Variants in TLCD4 observed in about 807,000 individuals in gnomAD.
The protein encoded by TLCD4 is TLC domain containing 4.
In TLCD4, 7 loss-of-function variants were observed where a neutral mutation model predicts 24.2. The observed-to-expected ratio is 0.29, with a 90% CI of 0.16 to 0.54. The LOEUF (loss-of-function observed/expected upper bound fraction) is 0.54. Ranked by LOEUF, TLCD4 falls within the 20% of genes least tolerant of loss-of-function variation. The pLI is 0.95. For missense variants in TLCD4, 259 were observed against 313.9 expected (o/e 0.82, Z 1.32); for synonymous variants, 103 against 106.4 (o/e 0.97, Z 0.20).
chr1:95,129,048 G>T (rs1676817757), intron 1 of TLCD4, among the ~76,000 whole-genome samples: 1 of 152,164 alleles, frequency 6.6e-6, no homozygotes, highest in East Asian at 1.9e-4. Flanking sequence ...GAGAACAGGG[G>T]TTAGCCTCCT....
intron 1 of TLCD4, among the ~76,000 whole-genome samples, chr1:95,122,411 A>G (rs1312336791): frequency 6.6e-6 from 1 of 152,206 alleles, no homozygotes; most frequent in Non-Finnish European, 1.5e-5. Context: ...AGTTCACCCC[A>G]GCACGTTGCT....
chr1:95,102,022 G>A, the TLCD4 span, among the ~76,000 whole-genome samples: 1 of 152,194 alleles, frequency 6.6e-6, no homozygotes, highest in African/African-American at 2.4e-5. Flanking sequence ...AGGCAATAAA[G>A]AGTAAGAGAA....
At chr1:95,184,053 A>G (rs1360316662) in intron 6 of TLCD4, among the ~76,000 whole-genome samples, 1 of 152,178 alleles carries the variant, frequency 6.6e-6, no homozygotes, top group Non-Finnish European at 1.5e-5. Context: ...TGCCTGAAGA[A>G]ATTACATTTG....
Position 95,195,278 on chromosome 1 carries a change from C to T in TLCD4, c.*3410C>T, listed in dbSNP as rs1194348465. On this transcript the variant is annotated 3_prime_UTR_variant, in exon 7 of 7. Coordinates refer to ENST00000370203, the MANE Select transcript of TLCD4 (RefSeq NM_152487.3). ...CCATCTGTTATCAGGCATGCAGAAA[C>T]ATTTTTCTTCTGGAGAAACAGAGGG... The T allele has an allele frequency of 6.6e-6, 1 of 152,098 alleles. No individual in the cohort carries two copies. The highest frequency in any genetic ancestry group is 2.4e-5 in the African/African-American group (1 of 41,424). The allele number at this position is 152,098 out of a possible 1,614,324, so 9.4% of individuals were successfully genotyped here.
At chr1:95,123,928 C>T (rs951780805) in intron 1 of TLCD4, among the ~76,000 whole-genome samples, 3 of 152,086 alleles carry the variant, frequency 2.0e-5, no homozygotes, top group Non-Finnish European at 4.4e-5. Flanking sequence ...TTTTATAATT[C>T]GGGTAACACA....
In TLCD4 at chr1:95,148,875, CAG is replaced by C. The variant is rs1359394249; in HGVS notation, c.245+86_245+87del. On this transcript the variant is annotated intron_variant, in intron 3 of 6. Transcript: ENST00000370203. ...TATAAGAACATCACTTACTTTAAAA[CAG>C]AAAACATATTGATCGTATATGCCTT... 94 of 1,525,678 alleles carry C rather than the reference CAG, an allele frequency of 6.2e-5. 1 individual carries two copies. Among genetic ancestry groups the C allele is most frequent in the Admixed American group, 5.4e-4 (28 of 51,378 alleles). The allele number at this position is 1,525,678 out of a possible 1,614,324, so 94.5% of individuals were successfully genotyped here. A position where few individuals can be genotyped will look rare whatever the true frequency, so the allele number is the denominator to read the frequency against.
the TLCD4 span, among the ~76,000 whole-genome samples, chr1:95,110,976 A>G: frequency 6.6e-6 from 1 of 151,482 alleles, no homozygotes; most frequent in Non-Finnish European, 1.5e-5. Context: ...ACATTTTAGC[A>G]TAATTTAAAA....
chr1:95,144,007 C>G lies in TLCD4; in HGVS notation c.106C>G (p.Pro36Ala), dbSNP rs150211570. Residue 36 changes from proline (P) to alanine (A), a missense_variant, in exon 2 of 7, where the codon CCA (proline) becomes GCA (alanine). Coordinates refer to ENST00000370203, the MANE Select transcript of TLCD4 (RefSeq NM_152487.3). Reference protein sequence around the residue: ...VSYWFSAKVSPGFNSLSFKKK... With the variant: ...VSYWFSAKVSAGFNSLSFKKK... ...TTACTGGTTTTCAGCAAAAGTTTCTCCAGGTTTCAATAGTCTCAGCTTCAA... is the reference window on the plus strand; with the variant it reads ...TTACTGGTTTTCAGCAAAAGTTTCTGCAGGTTTCAATAGTCTCAGCTTCAA... The G allele has an allele frequency of 9.6e-5, 151 of 1,571,484 alleles. No individual in the cohort carries two copies. The African/African-American group carries it at 2.0e-3, about 21-fold the overall frequency.
chr1:95,160,407 C>G (rs1186583131), intron 5 of TLCD4, among the ~76,000 whole-genome samples: 2 of 152,166 alleles, frequency 1.3e-5, no homozygotes, highest in African/African-American at 4.8e-5. Flanking sequence ...AGATTTTGGG[C>G]TGAGACGATG....
At chr1:95,150,689 T>C (rs1464931114) in intron 4 of TLCD4, among the ~76,000 whole-genome samples, 2 of 152,132 alleles carry the variant, frequency 1.3e-5, no homozygotes, top group African/African-American at 4.8e-5. Context: ...TCTTTGTTTT[T>C]CTTTTTAATA....
At chr1:95,121,765 C>T (rs1003655152) in intron 1 of TLCD4, among the ~76,000 whole-genome samples, 15 of 152,218 alleles carry the variant, frequency 9.9e-5, no homozygotes, top group African/African-American at 3.4e-4. Flanking sequence ...CCTCCGTGCT[C>T]AGCCTGAAAA....
chr1:95,101,701 A>ACT, the TLCD4 span, among the ~76,000 whole-genome samples: 1 of 152,086 alleles, frequency 6.6e-6, no homozygotes, highest in African/African-American at 2.4e-5. Flanking sequence ...GCTTTGAACA[A>ACT]CTCTATGATA....
At chr1:95,121,521 C>T (rs1168079712) in intron 1 of TLCD4, among the ~76,000 whole-genome samples, 3 of 152,190 alleles carry the variant, frequency 2.0e-5, no homozygotes, top group South Asian at 2.1e-4. Context: ...CCCAGGCTGG[C>T]GTGTAGTGGC....
chr1:95,109,940 T>C, the TLCD4 span, among the ~76,000 whole-genome samples: 1 of 140,596 alleles, frequency 7.1e-6, no homozygotes, highest in African/African-American at 2.6e-5. Context: ...TATATATATA[T>C]ATATATATAT....
rs1334503273 is a variant in TLCD4 at position 95,143,946 on chromosome 1, CT to C, written c.50del (p.Phe17SerfsTer10). 4 of 1,564,760 alleles carry C rather than the reference CT, an allele frequency of 2.6e-6. No homozygotes were observed. The highest frequency in any genetic ancestry group is 2.8e-5 in the African/African-American group (2 of 72,614). On this transcript the variant is annotated frameshift_variant, in exon 2 of 7. Coordinates refer to ENST00000370203, the MANE Select transcript of TLCD4 (RefSeq NM_152487.3). LOFTEE classifies it high-confidence loss of function. Reference protein sequence around the residue: ...KLLISVTCISFFTFQLLFYFV... With the variant: ...KLLISVTCISXFTFQLLFYFV... Reference sequence around the variant, plus strand: ...TGCTCATCAGTGTTACCTGTATCAGCTTTTTCACCTTTCAGCTTCTTTTCTA... The same window carrying C: ...TGCTCATCAGTGTTACCTGTATCAGCTTTTCACCTTTCAGCTTCTTTTCTA...
rs188482316 is a variant in TLCD4 at position 95,166,672 on chromosome 1, C to A, written c.400-7144C>A. Among the ~76,000 whole-genome samples the A allele has an allele frequency of 1.8e-4, 28 of 152,218 alleles. 1 individual carries two copies. The East Asian group carries it at 4.1e-3, about 22-fold the overall frequency. On this transcript the variant is annotated intron_variant, in intron 5 of 6. Transcript: ENST00000370203. ...AGTAACTAGGTGTGAATGATTGCAC[C>A]TAGGCAGGAAGGAATAGGCCGTTTT...
chr1:95,121,954 A>G (rs933729103), intron 1 of TLCD4, among the ~76,000 whole-genome samples: 4 of 152,228 alleles, frequency 2.6e-5, no homozygotes, highest in African/African-American at 4.8e-5. Context: ...CCTGGAGTTA[A>G]TCAAGGGCAG....
At chr1:95,185,359 G>T (rs952869440) in intron 6 of TLCD4, among the ~76,000 whole-genome samples, 2 of 152,202 alleles carry the variant, frequency 1.3e-5, no homozygotes, top group Admixed American at 6.5e-5. Context: ...AGGTAAAGGT[G>T]CCTGAGAAGA....
chr1:95,181,760 G>C (rs538180875), intron 6 of TLCD4, among the ~76,000 whole-genome samples: 2 of 151,736 alleles, frequency 1.3e-5, no homozygotes, highest in African/African-American at 2.4e-5. Context: ...GAGTAGCTGG[G>C]ATTACTATGC....
Sources: gnomAD v4.1 joint callset for allele counts (sites outside exome capture counted in the v4.1 genomes callset) on GRCh38, gnomAD v4.1.1 for gene constraint, MANE v1.5 for transcripts, NCBI Gene and HGNC (gene_info 2026-07-23, HGNC 2026-07-21) for gene names.